Variants in B3GLCT observed in about 807,000 individuals in gnomAD.
B3GLCT encodes the protein beta-1,3-glucosyltransferase.
A neutral mutation model predicts 63.4 loss-of-function variants in B3GLCT; 65 were observed. That is an observed-to-expected ratio of 1.03 (90% CI 0.84 to 1.26). B3GLCT has a LOEUF of 1.26. B3GLCT is among the 50% of genes most tolerant of loss of function. B3GLCT has a pLI of 0.00. For missense variants in B3GLCT, 577 were observed against 604.8 expected, an observed-to-expected ratio of 0.95 and a Z score of 0.48; for synonymous variants, 233 against 219.2, an observed-to-expected ratio of 1.06 and a Z score of -0.55.
chr13:31,266,683 CTG>C (rs1220285448), intron 7 of B3GLCT, among the ~76,000 whole-genome samples: 2 of 152,198 alleles, frequency 1.3e-5, no homozygotes, highest in African/African-American at 4.8e-5. Flanking sequence ...GTGGTACACT[CTG>C]TGGGCTGCAA....
At chr13:31,224,634 C>G (rs1869999327) in intron 3 of B3GLCT, among the ~76,000 whole-genome samples, 1 of 151,978 alleles carries the variant, frequency 6.6e-6, no homozygotes, top group Non-Finnish European at 1.5e-5. Flanking sequence ...GATGCTGTTT[C>G]TCCTTCAGCT....
At chr13:31,280,357 T>G (rs147452681) in intron 10 of B3GLCT, among the ~76,000 whole-genome samples, 5,500 of 152,284 alleles carry the variant, frequency 0.036, 346 homozygotes, top group African/African-American at 0.13. Flanking sequence ...AGCCGGTCCC[T>G]CCGTTTGGGG....
At chr13:31,209,300 A>G (rs1869141714) in intron 1 of B3GLCT, among the ~76,000 whole-genome samples, 1 of 151,968 alleles carries the variant, frequency 6.6e-6, no homozygotes, top group Admixed American at 6.6e-5. Flanking sequence ...GCTACCATGG[A>G]TTATCTTCAA....
At chr13:31,200,691 G>T (rs1282963851) in intron 1 of B3GLCT, among the ~76,000 whole-genome samples, 1 of 151,984 alleles carries the variant, frequency 6.6e-6, no homozygotes. Flanking sequence ...CGAGGACTGC[G>T]GTCCCGGTGT....
intron 7 of B3GLCT, 63 bp from the exon 8 acceptor site, chr13:31,269,151 A>AT (rs1442573006): frequency 2.4e-5 from 25 of 1,059,468 alleles, no homozygotes; most frequent in Non-Finnish European, 3.5e-5. Context: ...AGTCTCAAGA[A>AT]TGTGTTAGTC....
At chr13:31,226,762 A>C (rs1464439541) in intron 3 of B3GLCT, among the ~76,000 whole-genome samples, 3 of 152,122 alleles carry the variant, frequency 2.0e-5, no homozygotes, top group African/African-American at 7.2e-5. Flanking sequence ...AGAGAAATCT[A>C]CTCTTTAAAA....
At chr13:31,203,285 TG>T (rs1868775223) in intron 1 of B3GLCT, among the ~76,000 whole-genome samples, 1 of 152,230 alleles carries the variant, frequency 6.6e-6, no homozygotes, top group African/African-American at 2.4e-5. Flanking sequence ...CAGATATTAC[TG>T]GCACAGATTT....
At chr13:31,260,181 A>G (rs1010475817) in intron 6 of B3GLCT, among the ~76,000 whole-genome samples, 3 of 152,106 alleles carry the variant, frequency 2.0e-5, no homozygotes, top group African/African-American at 7.2e-5. Flanking sequence ...GGGACTTTGC[A>G]TTAAGTCCTT....
Position 31,261,087 on chromosome 13 carries a change from G to A in B3GLCT, c.596+5G>A. 1 of 1,591,520 alleles carries A rather than the reference G, an allele frequency of 6.3e-7. No homozygotes were observed. Among genetic ancestry groups the A allele is most frequent in the Non-Finnish European group, 8.6e-7 (1 of 1,163,830 alleles). ...AAGTATTCCACTTGTAAACAAGTAA[G>A]AATTTATTGGAATTTTTTCGGGGGG... On this transcript the variant is annotated splice_donor_5th_base_variant and intron_variant, in intron 7 of 14. Coordinates refer to ENST00000343307, the MANE Select transcript of B3GLCT (RefSeq NM_194318.4).
At chr13:31,251,901 A>G (rs1871445497) in intron 6 of B3GLCT, among the ~76,000 whole-genome samples, 1 of 152,182 alleles carries the variant, frequency 6.6e-6, no homozygotes, top group Non-Finnish European at 1.5e-5. Context: ...GAGCAACCCC[A>G]AGACACATAG....
At chr13:31,215,602 C>T (rs769363963) in intron 2 of B3GLCT, among the ~76,000 whole-genome samples, 5 of 151,972 alleles carry the variant, frequency 3.3e-5, no homozygotes, top group African/African-American at 1.2e-4. Flanking sequence ...TTAGTGGAGA[C>T]GGGGTTTCAT....
intron 9 of B3GLCT, 66 bp from the exon 10 acceptor site, chr13:31,276,636 T>C (rs1386236655): frequency 1.0e-6 from 1 of 967,436 alleles, no homozygotes; most frequent in Non-Finnish European, 1.7e-6. Flanking sequence ...GCGTGTGAGA[T>C]CTAGTGTGGG....
chr13:31,264,310 G>C (rs2137836233), intron 7 of B3GLCT, among the ~76,000 whole-genome samples: 1 of 152,248 alleles, frequency 6.6e-6, no homozygotes, highest in East Asian at 1.9e-4. Context: ...GAAATTCCCA[G>C]CACTTCCCCG....
At chr13:31,258,538 G>A (rs1022273710) in intron 6 of B3GLCT, among the ~76,000 whole-genome samples, 2 of 151,892 alleles carry the variant, frequency 1.3e-5, no homozygotes, top group Non-Finnish European at 2.9e-5. Flanking sequence ...TTTTTGCTGG[G>A]TATAGCATTC....
At chr13:31,265,450 A>G (rs1473728947) in intron 7 of B3GLCT, among the ~76,000 whole-genome samples, 2 of 152,184 alleles carry the variant, frequency 1.3e-5, no homozygotes, top group African/African-American at 2.4e-5. Flanking sequence ...CATTGTAGGT[A>G]GCGTAACAAC....
At chr13:31,259,268 T>C (rs1261370684) in intron 6 of B3GLCT, among the ~76,000 whole-genome samples, 1 of 152,210 alleles carries the variant, frequency 6.6e-6, no homozygotes, top group African/African-American at 2.4e-5. Context: ...TCTGGTTTGG[T>C]CTTGTTTCTT....
chr13:31,219,020 G>A (rs997639085), intron 2 of B3GLCT, among the ~76,000 whole-genome samples: 27 of 151,104 alleles, frequency 1.8e-4, no homozygotes, highest in African/African-American at 6.6e-4. Flanking sequence ...TACCAGATGT[G>A]TAAAGCGCTG....
intron 7 of B3GLCT, among the ~76,000 whole-genome samples, chr13:31,267,508 C>G (rs1020660926): frequency 2.0e-5 from 3 of 152,204 alleles, no homozygotes; most frequent in African/African-American, 7.2e-5. Flanking sequence ...GACATTTTTT[C>G]TCTTAAGTAT....
Position 31,316,415 on chromosome 13 carries a change from A to ATATATATATATATATATATATATATG in B3GLCT, c.1065-1135_1065-1134insTATATATATGTATATATATATATATA, listed in dbSNP as rs1875024663. On this transcript the variant is annotated intron_variant, in intron 12 of 14. Coordinates refer to ENST00000343307, the MANE Select transcript of B3GLCT (RefSeq NM_194318.4). ...AGGAGATTTTGGAGGTTTTATATAT[A>ATATATATATATATATATATATATATG]TATATATATATATATAAATTTTTTT... Among the ~76,000 whole-genome samples, 2 of 100,100 alleles carry ATATATATATATATATATATATATATG rather than the reference A, an allele frequency of 2.0e-5. 1 individual carries two copies. The highest frequency in any genetic ancestry group is 4.2e-5 in the Non-Finnish European group (2 of 47,938). The allele number at this position is 100,100 out of a possible 152,430, so 65.7% of individuals were successfully genotyped here.
Sources: gnomAD v4.1 joint callset for allele counts (sites outside exome capture counted in the v4.1 genomes callset) on GRCh38, gnomAD v4.1.1 for gene constraint, MANE v1.5 for transcripts, NCBI Gene and HGNC (gene_info 2026-07-23, HGNC 2026-07-21) for gene names.